Variants in ANKS1A observed in about 807,000 individuals in gnomAD.
ANKS1A encodes ankyrin repeat and SAM domain-containing protein 1A.
ANKS1A carries 55 observed loss-of-function variants against 120.3 expected under a neutral mutation model. The observed-to-expected ratio is 0.46, with a 90% CI of 0.37 to 0.57. ANKS1A has a LOEUF of 0.57. Among genes scored for constraint, ANKS1A ranks in the 20% least tolerant of loss-of-function variants. The pLI is 0.00. For missense variants in ANKS1A, 1,123 were observed against 1,480.3 expected, an observed-to-expected ratio of 0.76 and a Z score of 3.96; for synonymous variants, 590 against 604.7, an observed-to-expected ratio of 0.98 and a Z score of 0.36.
At position 34,982,758 on chromosome 6, in the gene ANKS1A, A is replaced by G. The variant is rs546233482; in HGVS notation, c.739A>G (p.Met247Val). ...AGMDSNYQTE[M>V]GSALHEAALF... The stretch of plus-strand genomic sequence containing the variant: ...GCTCTCGTTTGCTTTCCAGACGGAG[A>G]TGGGCAGTGCTTTGCATGAGGCTGC... Residue 247 changes from methionine (M) to valine (V), a missense_variant, in exon 5 of 24, where the codon ATG becomes GTG. This residue lies in a region of ANKS1A where 146 missense variants were observed against 267.8 expected (regional missense o/e 0.55). Transcript: ENST00000360359. The surrounding 1 kb of genome is among the most constrained non-coding windows in gnomAD (Gnocchi z 4.9). The G allele has an allele frequency of 1.2e-6, 2 of 1,614,152 alleles. No individual in the cohort carries two copies. The highest frequency in any genetic ancestry group is 2.7e-5 in the African/African-American group (2 of 75,032).
At chr6:34,903,088 A>G (rs1767442673) in intron 1 of ANKS1A, among the ~76,000 whole-genome samples, 1 of 152,180 alleles carries the variant, frequency 6.6e-6, no homozygotes, top group African/African-American at 2.4e-5. Context: ...ATACCAAATT[A>G]TAAGTTTGGT....
chr6:35,027,973 A>C (rs929122310), intron 11 of ANKS1A, among the ~76,000 whole-genome samples: 3 of 34,522 alleles, frequency 8.7e-5, no homozygotes, highest in Non-Finnish European at 3.8e-4. Flanking sequence ...CCATAACTCA[A>C]GGCAGCCTGT....
chr6:35,017,801 G>T lies in ANKS1A; in HGVS notation c.1752G>T (p.Leu584Phe). The T allele has an allele frequency of 1.2e-6, 2 of 1,614,188 alleles. No individual in the cohort carries two copies. The highest frequency in any genetic ancestry group is 1.6e-4 in the Middle Eastern group (1 of 6,062). ...ACAGCCGCTCGCACCCTGAAACTTT[G>T]ACTCACACAGCATCTCCGCACCCTG... ...TTNSRSHPETLTHTASPHPGG... is the reference protein window; with the variant it reads ...TTNSRSHPETFTHTASPHPGG... The change falls in exon 11 of 24, where the codon TTG (leucine) becomes TTT (phenylalanine). Residue 584 changes from leucine to phenylalanine, a missense_variant. Around this residue, in one of 3 missense-constraint regions of ANKS1A, gnomAD observed 904 missense variants for 1,130.4 expected, o/e 0.80. Transcript: ENST00000360359.
At chr6:35,097,364 C>T in the ANKS1A span, among the ~76,000 whole-genome samples, 1 of 152,004 alleles carries the variant, frequency 6.6e-6, no homozygotes, top group African/African-American at 2.4e-5. Flanking sequence ...CAGAAATTAA[C>T]CGGGCATGGT....
At chr6:34,915,576 G>A (rs1471237498) in intron 1 of ANKS1A, among the ~76,000 whole-genome samples, 2 of 151,944 alleles carry the variant, frequency 1.3e-5, no homozygotes, top group Non-Finnish European at 2.9e-5. Context: ...TAAACTCCTG[G>A]GCTTAAGCAG....
chr6:34,945,165 TC>T lies in ANKS1A; in HGVS notation c.198-22071del, dbSNP rs1769728154. Among the ~76,000 whole-genome samples, 6 of 152,176 alleles carry T rather than the reference TC, an allele frequency of 3.9e-5. No homozygotes were observed. The South Asian group carries it at 1.0e-3, about 26-fold the overall frequency. ...AACACAGCTTACTGCAGCCTTGACCTCCCAGGCTCAAGTGATTCTTCTGCCT... is the reference window on the plus strand; with the variant it reads ...AACACAGCTTACTGCAGCCTTGACCTCCAGGCTCAAGTGATTCTTCTGCCT... On this transcript the variant is annotated intron_variant, in intron 1 of 23. Transcript: ENST00000360359.
At chr6:35,077,511 T>C (rs1777432342) in intron 13 of ANKS1A, among the ~76,000 whole-genome samples, 2 of 152,200 alleles carry the variant, frequency 1.3e-5, no homozygotes, top group South Asian at 4.1e-4. Context: ...AGCGGGGCTC[T>C]GGGGACGTCC....
intron 10 of ANKS1A, among the ~76,000 whole-genome samples, chr6:35,002,276 T>C (rs1044851022): frequency 6.6e-6 from 1 of 151,278 alleles, no homozygotes; most frequent in Admixed American, 6.6e-5. Flanking sequence ...GACTGGGAGC[T>C]GTACGTGGAT....
chr6:35,084,061 C>A lies in ANKS1A; in HGVS notation c.2995-60C>A. On this transcript the variant is annotated intron_variant, in intron 20 of 23. Transcript: ENST00000360359. This position sits in a 1 kb window ranked among gnomAD's most constrained non-coding sequence, Gnocchi z 4.8. ...CAGTGACAATGGTAACAGGCTGGGG[C>A]AGGGGGTGCCAGAGGCATGCCTGAG... 6.2e-7 allele frequency: 1 copy of A among 1,601,294 alleles called. No homozygotes were observed. The highest frequency in any genetic ancestry group is 8.5e-7 in the Non-Finnish European group (1 of 1,172,250).
chr6:35,058,783 A>G lies in ANKS1A; in HGVS notation c.2078-1364A>G, dbSNP rs1003735495. The G allele has an allele frequency of 2.0e-5, 3 of 152,196 alleles. No homozygotes were observed. The highest frequency in any genetic ancestry group is 7.2e-5 in the African/African-American group (3 of 41,442). 9.4% of individuals were successfully genotyped at this position (152,196 alleles called of 1,614,324 possible). A position where few individuals can be genotyped will look rare whatever the true frequency, so the allele number is the denominator to read the frequency against. On this transcript the variant is annotated intron_variant, in intron 12 of 23. Coordinates refer to ENST00000360359, the MANE Select transcript of ANKS1A (RefSeq NM_015245.3). The surrounding 1 kb of genome is among the most constrained non-coding windows in gnomAD (Gnocchi z 5.1). ...TGTTCTTGCCCACAAGAATCAGAGA[A>G]GTAGGTTGGGGTTCAGGCATCCAGC...
At chr6:35,056,129 G>C (rs557642221) in intron 12 of ANKS1A, among the ~76,000 whole-genome samples, 30 of 152,350 alleles carry the variant, frequency 2.0e-4, no homozygotes, top group South Asian at 1.7e-3. Flanking sequence ...AGAGCTGTGA[G>C]TCAGAAACAG....
intron 1 of ANKS1A, among the ~76,000 whole-genome samples, chr6:34,929,845 TTCTCTTTCTC>T (rs1185358423): frequency 1.1e-4 from 17 of 149,074 alleles, no homozygotes; most frequent in Admixed American, 8.7e-4. Flanking sequence ...CTCTCTTTCT[TTCTCTTTCTC>T]TCTCTTTCTG....
chr6:35,056,316 T>A (rs933951834), intron 12 of ANKS1A, among the ~76,000 whole-genome samples: 1 of 152,298 alleles, frequency 6.6e-6, no homozygotes, highest in Non-Finnish European at 1.5e-5. Flanking sequence ...TGAGACGGAG[T>A]CTCGCTCTTT....
At chr6:34,936,061 CAAAAAAAA>C (rs34851777) in intron 1 of ANKS1A, among the ~76,000 whole-genome samples, 2 of 36,314 alleles carry the variant, frequency 5.5e-5, no homozygotes, top group African/African-American at 2.2e-4. Flanking sequence ...GACTCCGTCT[CAAAAAAAA>C]AAAAAAAAAA....
intron 11 of ANKS1A, among the ~76,000 whole-genome samples, chr6:35,045,931 A>G (rs2127580705): frequency 6.6e-6 from 1 of 152,306 alleles, no homozygotes; most frequent in Admixed American, 6.5e-5. Flanking sequence ...CTGTGAGCAC[A>G]TGAATTCTGT....
intron 3 of ANKS1A, among the ~76,000 whole-genome samples, chr6:34,970,850 TAAA>T (rs376847556): frequency 7.1e-6 from 1 of 141,772 alleles, no homozygotes; most frequent in Non-Finnish European, 1.6e-5. Context: ...TATAAAAAAT[TAAA>T]AAAAAAAAGG....
At chr6:34,902,353 A>G (rs2127448408) in intron 1 of ANKS1A, among the ~76,000 whole-genome samples, 1 of 151,958 alleles carries the variant, frequency 6.6e-6, no homozygotes, top group South Asian at 2.1e-4. Flanking sequence ...GGTTCAAACA[A>G]TTCTCCTGCC....
intron 10 of ANKS1A, among the ~76,000 whole-genome samples, chr6:35,006,210 A>G (rs571861648): frequency 7.0e-6 from 1 of 142,862 alleles, no homozygotes; most frequent in Non-Finnish European, 1.6e-5. Flanking sequence ...AAAAAAAATC[A>G]AGAATTAGGC....
Position 35,054,154 on chromosome 6 carries a change from A to G in ANKS1A, c.2066A>G (p.Gln689Arg). ...GEGIDFSQER[Q>R]KISGLRTLEQ... The stretch of plus-strand genomic sequence containing the variant: ...GGGATTGACTTTTCTCAGGAACGGC[A>G]GAAGATCTCAGGTACCGTACTAAGT... Residue 689 changes from glutamine (Q) to arginine (R), a missense_variant, in exon 12 of 24, where the codon CAG (glutamine) becomes CGG (arginine). Coordinates refer to ENST00000360359, the MANE Select transcript of ANKS1A (RefSeq NM_015245.3). 6.2e-7 allele frequency: 1 copy of G among 1,614,062 alleles called. No individual in the cohort carries two copies. Among genetic ancestry groups the G allele is most frequent in the South Asian group, 1.1e-5 (1 of 91,076 alleles).
Sources: allele counts gnomAD v4.1 joint callset (sites outside exome capture counted in the v4.1 genomes callset), GRCh38; gene constraint gnomAD v4.1.1; regional missense constraint gnomAD v4.1.1; non-coding constraint Gnocchi (gnomAD v3.1); transcripts MANE v1.5; gene names NCBI Gene and HGNC (gene_info 2026-07-23, HGNC 2026-07-21).